Variants in SPAG17 observed in about 807,000 individuals in gnomAD.
The protein encoded by SPAG17 is sperm associated antigen 17.
SPAG17 carries 169 observed loss-of-function variants against 273.6 expected under a neutral mutation model. That is an observed-to-expected ratio of 0.62 (90% CI 0.55 to 0.70). The LOEUF (loss-of-function observed/expected upper bound fraction) is 0.70, where lower values mean the gene tolerates loss of function less well. Ranked by LOEUF, SPAG17 falls within the 30% of genes least tolerant of loss-of-function variation. The pLI, the probability that SPAG17 is intolerant of heterozygous loss-of-function variation, is 0.00. For synonymous variants in SPAG17, 825 were observed against 873.2 expected (o/e 0.94, Z 0.97); for missense variants, 2,557 against 2,627.8 (o/e 0.97, Z 0.59).
At chr1:118,053,790 A>AT (rs1651335804) in intron 20 of SPAG17, among the ~76,000 whole-genome samples, 1 of 152,004 alleles carries the variant, frequency 6.6e-6, no homozygotes, top group Admixed American at 6.6e-5. Flanking sequence ...AAAATAAGCT[A>AT]TAACATATAC....
chr1:117,983,240 A>T (rs1373363030), intron 42 of SPAG17, among the ~76,000 whole-genome samples: 3 of 152,166 alleles, frequency 2.0e-5, no homozygotes, highest in Admixed American at 1.3e-4. Flanking sequence ...ATTCACTATC[A>T]CGAGAACAGC....
chr1:118,008,113 C>T lies in SPAG17; in HGVS notation c.4518G>A (p.Glu1506=). Residue 1506 remains glutamate (E), a synonymous_variant, in exon 31 of 49, where the codon GAG becomes GAA. Transcript: ENST00000336338. The part of the protein sequence containing the change: ...SRYATVIANC[E]DSSCCATFGD... ...CAAAGGTGGCACAGCAGCTACTGTC[C>T]TCACAGTTGGCGATAACAGTGGCAT... 1.2e-6 allele frequency: 2 copies of T among 1,614,078 alleles called. No individual in the cohort carries two copies. Among genetic ancestry groups the T allele is most frequent in the Non-Finnish European group, 1.7e-6 (2 of 1,179,970 alleles).
chr1:118,142,162 A>T (rs1658717567), intron 3 of SPAG17, among the ~76,000 whole-genome samples: 1 of 152,234 alleles, frequency 6.6e-6, no homozygotes, highest in Non-Finnish European at 1.5e-5. Context: ...ATAAAGAAGG[A>T]AGTTCTGACA....
chr1:118,176,748 C>T (rs973881038), intron 1 of SPAG17, among the ~76,000 whole-genome samples: 7 of 152,176 alleles, frequency 4.6e-5, no homozygotes, highest in African/African-American at 1.2e-4. Context: ...GCAGAATATA[C>T]GTTCTTTTCA....
Position 117,992,556 on chromosome 1 carries a change from G to C in SPAG17, c.5271C>G (p.Leu1757=), listed in dbSNP as rs1453439007. 1.9e-6 allele frequency: 3 copies of C among 1,613,746 alleles called. No individual in the cohort carries two copies. Among genetic ancestry groups the C allele is most frequent in the Non-Finnish European group, 2.5e-6 (3 of 1,179,870 alleles). The change falls in exon 36 of 49, where the codon CTC becomes CTG. Residue 1757 remains leucine, a synonymous_variant. Coordinates refer to ENST00000336338, the MANE Select transcript of SPAG17 (RefSeq NM_206996.4). The part of the protein sequence containing the change: ...KQLVSAPGAI[L]KSPSVLQMRQ... ...GCATCTGTAGCACACTGGGGCTCTT[G>C]AGTATGGCACCCGGGGCACTCACTA...
At chr1:118,057,816 G>C (rs1651862317) in intron 18 of SPAG17, among the ~76,000 whole-genome samples, 1 of 151,370 alleles carries the variant, frequency 6.6e-6, no homozygotes, top group African/African-American at 2.4e-5. Flanking sequence ...GGATTTGTTG[G>C]GGGTAAATGG....
chr1:118,006,160 G>A (rs1658859099), intron 31 of SPAG17, among the ~76,000 whole-genome samples: 1 of 152,026 alleles, frequency 6.6e-6, no homozygotes, highest in African/African-American at 2.4e-5. Context: ...TAATTCCGTG[G>A]GTTTTAGTAT....
At chr1:118,057,568 TGATTCA>T (rs1651836413) in intron 18 of SPAG17, among the ~76,000 whole-genome samples, 1 of 152,208 alleles carries the variant, frequency 6.6e-6, no homozygotes, top group African/African-American at 2.4e-5. Context: ...AAATATGCAA[TGATTCA>T]GAAAGCTTAT....
chr1:118,099,516 G>C, intron 6 of SPAG17, 90 bp downstream of exon 6: 1 of 1,175,190 alleles, frequency 8.5e-7, no homozygotes, highest in Non-Finnish European at 1.3e-6. Flanking sequence ...CTAATTGTAA[G>C]ACTATGTTTT....
intron 7 of SPAG17, among the ~76,000 whole-genome samples, chr1:118,095,345 C>T (rs1019837632): frequency 6.6e-6 from 1 of 152,088 alleles, no homozygotes. Flanking sequence ...GCAGCCTGTG[C>T]CTGGAAAGTA....
chr1:118,138,442 T>C (rs1360179410), intron 3 of SPAG17, among the ~76,000 whole-genome samples: 1 of 152,148 alleles, frequency 6.6e-6, no homozygotes, highest in Non-Finnish European at 1.5e-5. Context: ...TAATAGAGAA[T>C]AGGTTTCAAG....
At chr1:118,025,140 G>T in intron 27 of SPAG17, 98 bp downstream of exon 27, 1 of 995,184 alleles carries the variant, frequency 1.0e-6, no homozygotes. Context: ...TTTTTCTAGT[G>T]AGTTGTTCCT....
chr1:118,138,550 T>C (rs1305856862), intron 3 of SPAG17, among the ~76,000 whole-genome samples: 1 of 152,090 alleles, frequency 6.6e-6, no homozygotes, highest in Non-Finnish European at 1.5e-5. Flanking sequence ...TATACACACA[T>C]ATACACACAT....
rs768906298 is a variant in SPAG17, at chr1:118,066,887, C to T, written c.2398G>A (p.Ala800Thr). 2 of 1,599,568 alleles carry T rather than the reference C, an allele frequency of 1.3e-6. No individual in the cohort carries two copies. The highest frequency in any genetic ancestry group is 1.7e-4 in the Middle Eastern group (1 of 5,950). ...TCAACACACCTATATTGCTTATGGGCTTCTTGAAGGACCTGAAAATCAAAA... is the reference window on the plus strand; with the variant it reads ...TCAACACACCTATATTGCTTATGGGTTTCTTGAAGGACCTGAAAATCAAAA... ...PKVLLQVLQE[A>T]HKQYRCVDSY... The change falls in exon 18 of 49, where the codon GCC (alanine) becomes ACC (threonine). Residue 800 changes from alanine (A) to threonine (T), a missense_variant. By Grantham distance (58) the Ala-to-Thr change is moderately conservative. Transcript: ENST00000336338.
intron 18 of SPAG17, among the ~76,000 whole-genome samples, chr1:118,064,301 GCA>G (rs1652700852): frequency 6.6e-6 from 1 of 151,872 alleles, no homozygotes; most frequent in Non-Finnish European, 1.5e-5. Flanking sequence ...GTTTATTGCG[GCA>G]CTATTCACAA....
chr1:118,002,227 A>C (rs1658365374), intron 32 of SPAG17, among the ~76,000 whole-genome samples: 1 of 152,162 alleles, frequency 6.6e-6, no homozygotes, highest in Non-Finnish European at 1.5e-5. Flanking sequence ...TTTGCTGAGG[A>C]GTGCTTTACT....
Position 118,055,765 on chromosome 1 carries a change from G to C in SPAG17, c.2690C>G (p.Ala897Gly). Residue 897 changes from alanine to glycine, a missense_variant, in exon 19 of 49, where the codon GCT (alanine) becomes GGT (glycine). By Grantham distance (60) the Ala-to-Gly change is moderately conservative (BLOSUM62 0). Transcript: ENST00000336338. ...TTCTTTAATGGAAAAAATTTTGCTA[G>C]CAGAAGTAAGTTTGGCATTAGCAGA... The part of the protein sequence containing the change: ...KSSANAKLTS[A>G]SKIFSIKESK... The C allele has an allele frequency of 6.2e-7, 1 of 1,612,326 alleles. No individual in the cohort carries two copies. Among genetic ancestry groups the C allele is most frequent in the Non-Finnish European group, 8.5e-7 (1 of 1,179,454 alleles).
intron 3 of SPAG17, among the ~76,000 whole-genome samples, chr1:118,130,563 C>G (rs918072320): frequency 6.6e-6 from 1 of 152,170 alleles, no homozygotes; most frequent in African/African-American, 2.4e-5. Context: ...GGAGCCATCT[C>G]AAGACTGCGG....
intron 1 of SPAG17, among the ~76,000 whole-genome samples, chr1:118,180,445 A>G (rs572885938): frequency 1.3e-5 from 2 of 152,190 alleles, no homozygotes; most frequent in Non-Finnish European, 2.9e-5. Context: ...TGGGAAAAGT[A>G]GCGAAGCCAG....
Sources: gnomAD v4.1 joint callset for allele counts (sites outside exome capture counted in the v4.1 genomes callset) on GRCh38, gnomAD v4.1.1 for gene constraint, MANE v1.5 for transcripts, NCBI Gene and HGNC (gene_info 2026-07-23, HGNC 2026-07-21) for gene names.